LAMC1: variants seen among roughly 807,000 people sequenced by gnomAD.
The protein encoded by LAMC1 is laminin subunit gamma 1.
A neutral mutation model predicts 173.6 loss-of-function variants in LAMC1; 38 were observed. That is an observed-to-expected ratio of 0.22 (90% CI 0.17 to 0.29). LAMC1 has a LOEUF of 0.29. Ranked by LOEUF, LAMC1 falls within the 10% of genes least tolerant of loss-of-function variation. LAMC1 has a pLI of 1.00. For missense variants in LAMC1, 1,824 were observed against 2,051.8 expected (o/e 0.89, Z 2.14); for synonymous variants, 746 against 749.1 (o/e 1.00, Z 0.07).
chr1:183,122,311 A>G (rs1198551160), intron 13 of LAMC1, 60 bp downstream of exon 13: 2 of 1,510,606 alleles, frequency 1.3e-6, no homozygotes, highest in East Asian at 2.3e-5. Context: ...CCTAGGGGAA[A>G]GGGGCTTCGG....
chr1:183,119,893 A>G (rs545663707), intron 11 of LAMC1, among the ~76,000 whole-genome samples: 17 of 152,232 alleles, frequency 1.1e-4, no homozygotes, highest in African/African-American at 4.1e-4. Flanking sequence ...AAAACTGTCC[A>G]GGCGTGGTAA....
At chr1:183,134,285 A>G (rs1372168477) in intron 22 of LAMC1, among the ~76,000 whole-genome samples, 1 of 152,230 alleles carries the variant, frequency 6.6e-6, no homozygotes, top group East Asian at 1.9e-4. Flanking sequence ...TATATTTATA[A>G]TTAGAAAATA....
chr1:183,124,229 G>A (rs1425688236), intron 13 of LAMC1, among the ~76,000 whole-genome samples: 1 of 152,130 alleles, frequency 6.6e-6, no homozygotes, highest in Non-Finnish European at 1.5e-5. Context: ...CTGTTGTGTG[G>A]GAAACTTACA....
Position 183,134,719 on chromosome 1 carries a change from A to C in LAMC1, c.3909A>C (p.Lys1303Asn), listed in dbSNP as rs759582420. The change falls in exon 23 of 28, where the codon AAA (lysine) becomes AAC (asparagine). Residue 1303 changes from lysine to asparagine, a missense_variant. Coordinates refer to ENST00000258341, the MANE Select transcript of LAMC1 (RefSeq NM_002293.4). ...ATCTGGAACAACTGATTGACCAGAAATTAAAAGATTATGAGGACCTCAGAG... is the reference window on the plus strand; with the variant it reads ...ATCTGGAACAACTGATTGACCAGAACTTAAAAGATTATGAGGACCTCAGAG... ...AENLEQLIDQKLKDYEDLRED... is the reference protein window; with the variant it reads ...AENLEQLIDQNLKDYEDLRED... 1 of 1,613,416 alleles carries C rather than the reference A, an allele frequency of 6.2e-7. No homozygotes were observed. Among genetic ancestry groups the C allele is most frequent in the Non-Finnish European group, 8.5e-7 (1 of 1,179,408 alleles).
chr1:183,099,387 G>A (rs1455191709), intron 1 of LAMC1, among the ~76,000 whole-genome samples: 1 of 152,080 alleles, frequency 6.6e-6, no homozygotes, highest in Non-Finnish European at 1.5e-5. Flanking sequence ...ACTGAGCCCG[G>A]CCCATTCTCA....
intron 1 of LAMC1, among the ~76,000 whole-genome samples, chr1:183,072,845 G>C (rs375421151): frequency 1.3e-5 from 2 of 152,198 alleles, no homozygotes; most frequent in Admixed American, 6.5e-5. Context: ...TCTAGGTTGC[G>C]TGCTCTTTAT....
chr1:183,142,929 A>T lies in LAMC1; in HGVS notation c.*139A>T, dbSNP rs575394952. 5 of 871,422 alleles carry T rather than the reference A, an allele frequency of 5.7e-6. No homozygotes were observed. In the South Asian group the frequency reaches 9.2e-5, roughly 16 times the overall value. The allele number at this position is 871,422 out of a possible 1,614,324, so 54.0% of individuals were successfully genotyped here. On this transcript the variant is annotated 3_prime_UTR_variant, in exon 28 of 28. Coordinates refer to ENST00000258341, the MANE Select transcript of LAMC1 (RefSeq NM_002293.4). ...ATGACTGTCCTTTTGAACCAGGAAAAGTCACAGAGTTTAAAGAGAAGCAAA... is the reference window on the plus strand; with the variant it reads ...ATGACTGTCCTTTTGAACCAGGAAATGTCACAGAGTTTAAAGAGAAGCAAA...
At chr1:183,137,605 C>T (rs1656982326) in intron 25 of LAMC1, 64 bp from the exon 26 acceptor site, 8 of 1,009,374 alleles carry the variant, frequency 7.9e-6, no homozygotes, top group South Asian at 4.3e-5. Context: ...ATAAAAGGAG[C>T]GGGAGCATAC....
intron 1 of LAMC1, among the ~76,000 whole-genome samples, chr1:183,071,655 C>T (rs12088644): frequency 0.056 from 8,509 of 152,226 alleles, 550 homozygotes; most frequent in African/African-American, 0.16. Flanking sequence ...GTTTCAGCTG[C>T]ACTGCTGTAA....
rs1653594619 is a variant in LAMC1 at position 183,023,608 on chromosome 1, C to T, written c.-109C>T. 2 of 874,664 alleles carry T rather than the reference C, an allele frequency of 2.3e-6. No individual in the cohort carries two copies. Among genetic ancestry groups the T allele is most frequent in the East Asian group, 1.1e-4 (2 of 17,584 alleles). 54.2% of individuals were successfully genotyped at this position (874,664 alleles called of 1,614,324 possible). A position where few individuals can be genotyped will look rare whatever the true frequency, so the allele number is the denominator to read the frequency against. On this transcript the variant is annotated 5_prime_UTR_variant, in exon 1 of 28. Coordinates refer to ENST00000258341, the MANE Select transcript of LAMC1 (RefSeq NM_002293.4). Reference sequence around the variant, plus strand: ...CCACCGCCCGCGCCGGAGTCAGGCCCCTGGGCCCCCAGGCTCAAGCAGCGA... The same window carrying T: ...CCACCGCCCGCGCCGGAGTCAGGCCTCTGGGCCCCCAGGCTCAAGCAGCGA...
intron 20 of LAMC1, 151 bp from the exon 21 acceptor site, chr1:183,132,249 G>T: frequency 2.0e-6 from 1 of 506,512 alleles, no homozygotes; most frequent in African/African-American, 2.1e-5. Context: ...CCAAGATCAC[G>T]CCACTGCACA....
chr1:183,076,523 C>T (rs1432251030), intron 1 of LAMC1, among the ~76,000 whole-genome samples: 1 of 152,200 alleles, frequency 6.6e-6, no homozygotes. Context: ...TGTCCATCAG[C>T]CCAGGGGAGC....
chr1:183,024,159 TGCTACTGCTCGCCAGCAGCCCA>T (rs1245716750), intron 1 of LAMC1, 25 bp downstream of exon 1: 1 of 1,520,442 alleles, frequency 6.6e-7, no homozygotes, highest in East Asian at 2.5e-5. Flanking sequence ...CCCCGTCCCC[TGCTACTGCTCGCCAGCAGCCCA>T]GCTCCCGGAC....
chr1:183,095,447 G>A lies in LAMC1; in HGVS notation c.419-7881G>A, dbSNP rs973383039. Among the ~76,000 whole-genome samples the A allele has an allele frequency of 7.2e-5, 11 of 152,118 alleles. 1 individual carries two copies. Among genetic ancestry groups the A allele is most frequent in the Admixed American group, 4.6e-4 (7 of 15,270 alleles). On this transcript the variant is annotated intron_variant, in intron 1 of 27. Transcript: ENST00000258341. ...AGAAATAGCTTCCCACACAATTATG[G>A]TGTCTTTTTCATATCTTAACAATTA... is the stretch of plus-strand genomic sequence containing the variant.
chr1:183,097,730 G>A (rs1655729425), intron 1 of LAMC1, among the ~76,000 whole-genome samples: 1 of 152,180 alleles, frequency 6.6e-6, no homozygotes, highest in African/African-American at 2.4e-5. Context: ...TCTCATTGTC[G>A]ATGCGGCCTG....
intron 1 of LAMC1, among the ~76,000 whole-genome samples, chr1:183,054,720 C>G (rs1654538197): frequency 6.6e-6 from 1 of 152,206 alleles, no homozygotes. Context: ...ATGCTAGACA[C>G]AGTTCCTGGC....
Position 183,049,830 on chromosome 1 carries a change from A to C in LAMC1, c.418+25696A>C, listed in dbSNP as rs534437958. 2.7e-3 allele frequency among the ~76,000 whole-genome samples: 412 copies of C among 152,318 alleles called. 1 individual carries two copies. Among genetic ancestry groups the C allele is most frequent in the African/African-American group, 9.1e-3 (378 of 41,576 alleles). ...CCATTCTCACCAAACTAAAACAAAA[A>C]AAAAAAATCATTCTGGATTTTCTTC... is the stretch of plus-strand genomic sequence containing the variant. On this transcript the variant is annotated intron_variant, in intron 1 of 27. Transcript: ENST00000258341.
intron 1 of LAMC1, among the ~76,000 whole-genome samples, chr1:183,085,312 G>A (rs1655398176): frequency 6.6e-6 from 1 of 151,602 alleles, no homozygotes; most frequent in African/African-American, 2.4e-5. Flanking sequence ...GCTCTGTGTT[G>A]CTCCTTGACT....
At chr1:183,126,834 C>T (rs1051928979) in intron 16 of LAMC1, among the ~76,000 whole-genome samples, 51 of 152,312 alleles carry the variant, frequency 3.3e-4, no homozygotes, top group African/African-American at 1.1e-3. Flanking sequence ...AGTGAATAAA[C>T]AAACTATAAG....
Sources: allele counts gnomAD v4.1 joint callset (sites outside exome capture counted in the v4.1 genomes callset), GRCh38; gene constraint gnomAD v4.1.1; transcripts MANE v1.5; gene names NCBI Gene and HGNC (gene_info 2026-07-23, HGNC 2026-07-21).